DOCK4: variants seen among roughly 807,000 people sequenced by gnomAD.
The protein encoded by DOCK4 is dedicator of cytokinesis protein 4.
A neutral mutation model predicts 268.1 loss-of-function variants in DOCK4; 97 were observed. That is an observed-to-expected ratio of 0.36 (90% CI 0.31 to 0.43). The LOEUF (loss-of-function observed/expected upper bound fraction) is 0.43. Ranked by LOEUF, DOCK4 falls within the 20% of genes least tolerant of loss-of-function variation. DOCK4 has a pLI of 1.00. For synonymous variants in DOCK4, 954 were observed against 887.2 expected, an observed-to-expected ratio of 1.08 and a Z score of -1.34; for missense variants, 2,145 against 2,455.7, an observed-to-expected ratio of 0.87 and a Z score of 2.67.
chr7:111,937,174 A>G (rs2134733297), intron 11 of DOCK4, among the ~76,000 whole-genome samples: 1 of 152,368 alleles, frequency 6.6e-6, no homozygotes, highest in East Asian at 1.9e-4. Context: ...AGGCTCAGGC[A>G]GGCATTTGCT....
At position 111,877,125 on chromosome 7, in the gene DOCK4, C is replaced by T. The variant is rs750046526; in HGVS notation, c.1649G>A (p.Gly550Asp). The change falls in exon 17 of 53, where the codon GGC (glycine) becomes GAC (aspartate). Residue 550 changes from glycine to aspartate, a missense_variant. By Grantham distance (94) the Gly-to-Asp change is moderately conservative (BLOSUM62 -1). Transcript: ENST00000428084. ...TTGATTATTATTCCCAAGGAAAATG[C>T]CCTTGGAAAAGGGAAGTTTGAGGTA... The part of the protein sequence containing the change: ...TRYLKLPFSK[G>D]IFLGNNNQAM... 8.8e-6 allele frequency: 14 copies of T among 1,589,272 alleles called. No homozygotes were observed. In the South Asian group the frequency reaches 9.2e-5, roughly 10 times the overall value.
intron 1 of DOCK4, among the ~76,000 whole-genome samples, chr7:112,127,555 TATA>T (rs567061725): frequency 1.7e-3 from 216 of 130,670 alleles, no homozygotes; most frequent in African/African-American, 5.5e-3. Flanking sequence ...AAACTTAAAG[TATA>T]ATAATAATAA....
chr7:111,987,593 G>A (rs1480602913), intron 6 of DOCK4, among the ~76,000 whole-genome samples: 1 of 152,168 alleles, frequency 6.6e-6, no homozygotes, highest in African/African-American at 2.4e-5. Flanking sequence ...TCATTCCCAC[G>A]GCAGGATAGG....
intron 12 of DOCK4, among the ~76,000 whole-genome samples, chr7:111,918,950 T>C (rs1270382860): frequency 6.6e-6 from 1 of 152,084 alleles, no homozygotes; most frequent in Admixed American, 6.5e-5. Context: ...AGCAACATCA[T>C]GTGGTATACA....
At chr7:112,193,978 T>C (rs2116820228) in intron 1 of DOCK4, among the ~76,000 whole-genome samples, 1 of 152,178 alleles carries the variant, frequency 6.6e-6, no homozygotes, top group Non-Finnish European at 1.5e-5. Flanking sequence ...CAGGATCTCT[T>C]CTTATAAAGA....
At chr7:112,125,233 T>G (rs182161830) in intron 1 of DOCK4, among the ~76,000 whole-genome samples, 1 of 152,314 alleles carries the variant, frequency 6.6e-6, no homozygotes, top group East Asian at 1.9e-4. Flanking sequence ...TCAGAGACAA[T>G]GCTCCCCCCC....
chr7:112,033,357 C>G (rs1329816535), intron 1 of DOCK4, among the ~76,000 whole-genome samples: 2 of 152,024 alleles, frequency 1.3e-5, no homozygotes, highest in African/African-American at 4.8e-5. Context: ...TTGAATACTC[C>G]CAACCCCACC....
chr7:111,844,762 C>T lies in DOCK4; in HGVS notation c.2736+1G>A, dbSNP rs751796355. ...ACGTGCCATCTGCTCTATGATCTTACAGTGACATCCTGGAACTGGAACCGC... is the reference window on the plus strand; with the variant it reads ...ACGTGCCATCTGCTCTATGATCTTATAGTGACATCCTGGAACTGGAACCGC... On this transcript the variant is annotated splice_donor_variant, in intron 25 of 52. Transcript: ENST00000428084. LOFTEE classifies it high-confidence loss of function. 2 of 1,612,456 alleles carry T rather than the reference C, an allele frequency of 1.2e-6. No individual in the cohort carries two copies.
intron 7 of DOCK4, among the ~76,000 whole-genome samples, chr7:111,982,434 T>C (rs968516965): frequency 2.0e-5 from 3 of 152,212 alleles, no homozygotes; most frequent in Non-Finnish European, 4.4e-5. Context: ...CCAACGTAGA[T>C]GAATAAAGAT....
intron 8 of DOCK4, among the ~76,000 whole-genome samples, chr7:111,961,120 C>A (rs569298419): frequency 5.3e-4 from 80 of 152,202 alleles, no homozygotes; most frequent in African/African-American, 1.8e-3. Context: ...CACTTTCAGT[C>A]CTCAGCTCCC....
chr7:112,125,088 G>C (rs945952769), intron 1 of DOCK4, among the ~76,000 whole-genome samples: 3 of 152,098 alleles, frequency 2.0e-5, no homozygotes, highest in Non-Finnish European at 4.4e-5. Flanking sequence ...AAATCCCACA[G>C]CTTCACCAAA....
intron 10 of DOCK4, among the ~76,000 whole-genome samples, chr7:111,940,673 A>G (rs1294723165): frequency 6.6e-6 from 1 of 152,220 alleles, no homozygotes; most frequent in African/African-American, 2.4e-5. Flanking sequence ...GGTTGTCTGA[A>G]GTACAGCAAG....
intron 26 of DOCK4, among the ~76,000 whole-genome samples, chr7:111,832,631 G>T (rs1161590881): frequency 6.6e-6 from 1 of 151,996 alleles, no homozygotes; most frequent in Non-Finnish European, 1.5e-5. Context: ...GGGTTCAAGC[G>T]ATTCTCCCAC....
intron 10 of DOCK4, among the ~76,000 whole-genome samples, chr7:111,942,207 C>T (rs901100523): frequency 6.6e-6 from 1 of 152,124 alleles, no homozygotes; most frequent in African/African-American, 2.4e-5. Flanking sequence ...AAGAAACTTC[C>T]TGGCATGAGC....
At chr7:111,786,497 T>C (rs879472908) in intron 32 of DOCK4, among the ~76,000 whole-genome samples, 6 of 152,206 alleles carry the variant, frequency 3.9e-5, no homozygotes, top group South Asian at 2.1e-4. Flanking sequence ...TTCACAAAGA[T>C]GTAGTATGCA....
At chr7:111,927,250 G>C (rs7787456) in intron 12 of DOCK4, among the ~76,000 whole-genome samples, 4,800 of 152,292 alleles carry the variant, frequency 0.032, 272 homozygotes, top group African/African-American at 0.11. Flanking sequence ...CTGGTTTGCA[G>C]ATCTGCTAGT....
intron 1 of DOCK4, among the ~76,000 whole-genome samples, chr7:112,175,799 C>T (rs768879785): frequency 2.1e-5 from 3 of 141,020 alleles, no homozygotes; most frequent in Admixed American, 7.1e-5. Context: ...CAATTTTATT[C>T]CTATCTGCCC....
At chr7:111,971,857 G>T in intron 8 of DOCK4, 1 of 271,190 alleles carries the variant, frequency 3.7e-6, no homozygotes, top group Non-Finnish European at 7.0e-6. Context: ...CAAAGCCAGG[G>T]AGGTCCCTTT....
chr7:112,105,081 A>T (rs763884343), intron 1 of DOCK4, among the ~76,000 whole-genome samples: 1 of 152,178 alleles, frequency 6.6e-6, no homozygotes, highest in Non-Finnish European at 1.5e-5. Flanking sequence ...ACATGTCAGA[A>T]ATCATATTGA....
Sources: gnomAD v4.1 joint callset for allele counts (sites outside exome capture counted in the v4.1 genomes callset) on GRCh38, gnomAD v4.1.1 for gene constraint, MANE v1.5 for transcripts, NCBI Gene and HGNC (gene_info 2026-07-23, HGNC 2026-07-21) for gene names.